The following NPHP3 variants were observed in gnomAD, a reference collection of about 807,000 sequenced individuals.
NPHP3 encodes nephrocystin 3.
Under a neutral mutation model 171.9 loss-of-function variants are expected in NPHP3, and 123 were observed. The ratio of observed to expected loss-of-function variants is 0.72; its 90% CI spans 0.62 to 0.83. The LOEUF (loss-of-function observed/expected upper bound fraction) is 0.83. NPHP3 is among the 40% of genes least tolerant of loss of function. The pLI, the probability that NPHP3 is intolerant of heterozygous loss-of-function variation, is 0.00. For missense variants in NPHP3, 1,506 were observed against 1,591.9 expected (o/e 0.95, Z 0.92); for synonymous variants, 558 against 579.2 (o/e 0.96, Z 0.52).
Position 132,719,117 on chromosome 3 carries a change from T to A in NPHP3, c.547A>T (p.Ile183Phe), listed in dbSNP as rs769021225. 6.2e-7 allele frequency: 1 copy of A among 1,612,526 alleles called. No homozygotes were observed. The change falls in exon 3 of 27, where the codon ATT (isoleucine) becomes TTT (phenylalanine). Residue 183 changes from isoleucine (I) to phenylalanine (F), a missense_variant. Transcript: ENST00000337331. ...KIFRETKENE[I>F]QDLLRAKREL... ...CTCTTGGCCCTCAGTAAGTCCTGAATTTCATTTTCTTTGGTCTCCCTAAAA... is the reference window on the plus strand; with the variant it reads ...CTCTTGGCCCTCAGTAAGTCCTGAAATTCATTTTCTTTGGTCTCCCTAAAA...
At chr3:132,695,882 C>G (rs1279246177) in intron 15 of NPHP3, among the ~76,000 whole-genome samples, 1 of 152,074 alleles carries the variant, frequency 6.6e-6, no homozygotes, top group Admixed American at 6.6e-5. Context: ...TACAGTGAGC[C>G]GAGATCAAGC....
chr3:132,715,430 G>A (rs903713477), intron 4 of NPHP3, among the ~76,000 whole-genome samples: 4 of 152,158 alleles, frequency 2.6e-5, no homozygotes, highest in Admixed American at 2.6e-4. Flanking sequence ...GTCACCAGTG[G>A]TCTTCCCTGA....
intron 13 of NPHP3, among the ~76,000 whole-genome samples, chr3:132,699,047 C>T (rs527815208): frequency 1.3e-5 from 2 of 152,156 alleles, no homozygotes; most frequent in Non-Finnish European, 2.9e-5. Context: ...CATGCGCCAC[C>T]ATGCCCAGCT....
At chr3:132,702,955 C>T (rs376935136) in intron 9 of NPHP3, among the ~76,000 whole-genome samples, 3 of 152,140 alleles carry the variant, frequency 2.0e-5, no homozygotes, top group Non-Finnish European at 2.9e-5. Flanking sequence ...CAGAAAAGAA[C>T]GAGGTTCAAC....
chr3:132,722,335 G>C lies in NPHP3; in HGVS notation c.21C>G (p.Leu7=). The part of the protein sequence containing the change: MGTASS[L]VSPAGGEVIE... ...TCACTTCCCCGCCCGCGGGGCTCAC[G>C]AGCGACGAGGCGGTCCCCATGGCGT... Residue 7 remains leucine (L), a synonymous_variant, in exon 1 of 27, where the codon CTC becomes CTG. Transcript: ENST00000337331. The C allele has an allele frequency of 3.8e-6, 6 of 1,578,310 alleles. No individual in the cohort carries two copies. The highest frequency in any genetic ancestry group is 1.4e-5 in the African/African-American group (1 of 72,498).
In NPHP3 at chr3:132,722,167, C is replaced by T. The variant is rs750280281; in HGVS notation, c.189G>A (p.Gly63=). The T allele has an allele frequency of 1.1e-5, 18 of 1,571,820 alleles. No individual in the cohort carries two copies. Among genetic ancestry groups the T allele is most frequent in the East Asian group, 4.8e-5 (2 of 41,812 alleles). The change falls in exon 1 of 27, where the codon GGG becomes GGA. Residue 63 remains glycine (G), a synonymous_variant. Transcript: ENST00000337331. Reference sequence around the variant, plus strand: ...CCCCCAGCAGCCCGCCCGCGCCCACCCCGCGGGGCAGCGACCCGGGCCCGG... The same window carrying T: ...CCCCCAGCAGCCCGCCCGCGCCCACTCCGCGGGGCAGCGACCCGGGCCCGG... ...AGAGPGSLPR[G]VGAGGLLGAS...
chr3:132,716,213 G>A (rs1305761037), intron 4 of NPHP3, among the ~76,000 whole-genome samples: 1 of 152,136 alleles, frequency 6.6e-6, no homozygotes, highest in African/African-American at 2.4e-5. Context: ...AATACCTCAT[G>A]CAATGTAAAT....
At chr3:132,714,307 G>C (rs1223613256) in intron 5 of NPHP3, among the ~76,000 whole-genome samples, 2 of 152,076 alleles carry the variant, frequency 1.3e-5, no homozygotes, top group African/African-American at 4.8e-5. Flanking sequence ...ATTTAAAACA[G>C]GCAGCAGGCC....
At chr3:132,684,524 A>G (rs1349406368) in intron 24 of NPHP3, 30 bp downstream of exon 24, 2 of 1,612,166 alleles carry the variant, frequency 1.2e-6, no homozygotes, top group South Asian at 2.2e-5. Context: ...ATATGTTATA[A>G]AACATGTAAG....
chr3:132,714,917 A>G lies in NPHP3; in HGVS notation c.957+168T>C, dbSNP rs559700675. Among the ~76,000 whole-genome samples, 12 of 152,334 alleles carry G rather than the reference A, an allele frequency of 7.9e-5. No individual in the cohort carries two copies. In the South Asian group the frequency reaches 2.5e-3, roughly 32 times the overall value. ...CAATTCACCACCTTTCTTTACATAT[A>G]ATATTGAACAATATTTTCTCTTAAG... On this transcript the variant is annotated intron_variant, in intron 5 of 26. Coordinates refer to ENST00000337331, the MANE Select transcript of NPHP3 (RefSeq NM_153240.5).
intron 10 of NPHP3, 72 bp downstream of exon 10, chr3:132,701,358 G>A: frequency 9.6e-7 from 1 of 1,042,022 alleles, no homozygotes; most frequent in Non-Finnish European, 1.5e-6. Context: ...AGGCAGGCAT[G>A]CAATACATTT....
chr3:132,721,009 C>T (rs1940198562), intron 1 of NPHP3, among the ~76,000 whole-genome samples: 3 of 152,254 alleles, frequency 2.0e-5, no homozygotes, highest in African/African-American at 7.2e-5. Context: ...CCTCCGCCTC[C>T]CGGGTTCAAG....
In NPHP3 at chr3:132,716,894, C is replaced by T. The variant is rs1424177439; in HGVS notation, c.686G>A (p.Cys229Tyr). The T allele has an allele frequency of 1.9e-6, 3 of 1,613,944 alleles. No individual in the cohort carries two copies. The highest frequency in any genetic ancestry group is 3.3e-5 in the Admixed American group (2 of 60,010). The part of the protein sequence containing the change: ...CTDVTAAGTQ[C>Y]EYWTGGALGS... ...CAAGGCTCCGCCAGTCCAATATTCA[C>T]ATTGGGTTCCAGCAGCTGTTCAGCA... Residue 229 changes from cysteine to tyrosine, a missense_variant, in exon 4 of 27, where the codon TGT (cysteine) becomes TAT (tyrosine). This residue lies in a region of NPHP3 where 930 missense variants were observed against 924.9 expected (regional missense o/e 1.01). Coordinates refer to ENST00000337331, the MANE Select transcript of NPHP3 (RefSeq NM_153240.5).
At chr3:132,706,227 C>T (rs1267624547) in intron 7 of NPHP3, among the ~76,000 whole-genome samples, 1 of 151,818 alleles carries the variant, frequency 6.6e-6, no homozygotes, top group Non-Finnish European at 1.5e-5. Context: ...GGCGTGGTGG[C>T]CGGTGCCTGT....
At chr3:132,692,067 T>G (rs924208004) in intron 17 of NPHP3, among the ~76,000 whole-genome samples, 2 of 152,216 alleles carry the variant, frequency 1.3e-5, no homozygotes, top group Non-Finnish European at 2.9e-5. Flanking sequence ...TCATACCACA[T>G]TTTTACTGTA....
In NPHP3 at chr3:132,686,336, A is replaced by G; in HGVS notation, c.3253T>C (p.Leu1085=). 6.2e-7 allele frequency: 1 copy of G among 1,614,004 alleles called. No homozygotes were observed. The highest frequency in any genetic ancestry group is 1.1e-5 in the South Asian group (1 of 91,086). ...GCATTATCAGGTGTGTCCTTACCTA[A>G]TGTAAGCTCTTCTAACTGTAAAGCC... ...RRALQLEELT[L]GKDTPDNART... is the part of the protein sequence containing the mutation. The change falls in exon 23 of 27, where the codon TTA becomes CTA. Residue 1085 remains leucine, a synonymous_variant. Coordinates refer to ENST00000337331, the MANE Select transcript of NPHP3 (RefSeq NM_153240.5).
chr3:132,687,388 T>C (rs773914487), intron 21 of NPHP3, among the ~76,000 whole-genome samples, 162 bp from the exon 22 acceptor site: 1 of 152,156 alleles, frequency 6.6e-6, no homozygotes, highest in Non-Finnish European at 1.5e-5. Flanking sequence ...CTAAAAACCC[T>C]TTCATAAAAC....
intron 5 of NPHP3, among the ~76,000 whole-genome samples, chr3:132,714,766 A>G (rs993963627): frequency 6.6e-6 from 1 of 152,180 alleles, no homozygotes; most frequent in Admixed American, 6.5e-5. Flanking sequence ...AAAAAAGTCC[A>G]GAAAGTTCCA....
At position 132,722,381 on chromosome 3, in the gene NPHP3, T is replaced by C; in HGVS notation, c.-26A>G. The C allele has an allele frequency of 1.9e-6, 3 of 1,568,614 alleles. No individual in the cohort carries two copies. In the South Asian group the frequency reaches 3.4e-5, roughly 18 times the overall value. On this transcript the variant is annotated 5_prime_UTR_variant, in exon 1 of 27. Coordinates refer to ENST00000337331, the MANE Select transcript of NPHP3 (RefSeq NM_153240.5). ...GGCGTCCGTTGCCGCTACTACCTAGTGAGTACCAGCAGGACTGGGCAGCGG... is the reference window on the plus strand; with the variant it reads ...GGCGTCCGTTGCCGCTACTACCTAGCGAGTACCAGCAGGACTGGGCAGCGG...
Sources: gnomAD v4.1 joint callset for allele counts (sites outside exome capture counted in the v4.1 genomes callset) on GRCh38, gnomAD v4.1.1 for gene constraint, gnomAD v4.1.1 regional missense constraint, MANE v1.5 for transcripts, NCBI Gene and HGNC (gene_info 2026-07-23, HGNC 2026-07-21) for gene names.